The following UGGT2 variants were observed in gnomAD, a reference collection of about 807,000 sequenced individuals.
The protein encoded by UGGT2 is UDP-glucose glycoprotein glucosyltransferase 2, also known as UDP-glucose:glycoprotein glucosyltransferase 2.
A neutral mutation model predicts 192.1 loss-of-function variants in UGGT2; 180 were observed. That is an observed-to-expected ratio of 0.94 (90% CI 0.83 to 1.06). The LOEUF (loss-of-function observed/expected upper bound fraction) is 1.06. UGGT2 is among the 50% of genes least tolerant of loss of function. The probability of loss-of-function intolerance (pLI) is 0.00; values close to 1 mark genes in which losing one functional copy is unlikely to be tolerated. For missense variants in UGGT2, 1,849 were observed against 1,795.7 expected (o/e 1.03, Z -0.54); for synonymous variants, 580 against 591.0 (o/e 0.98, Z 0.27).
chr13:96,019,612 G>A (rs944690272), intron 4 of UGGT2, among the ~76,000 whole-genome samples: 1 of 152,186 alleles, frequency 6.6e-6, no homozygotes, highest in Non-Finnish European at 1.5e-5. Flanking sequence ...ATCTAAAGGA[G>A]TAAACCAGAC....
Position 95,946,837 on chromosome 13 carries a change from T to C in UGGT2, c.1677+200A>G, listed in dbSNP as rs1350952757. 2.0e-5 allele frequency among the ~76,000 whole-genome samples: 3 copies of C among 152,238 alleles called. No individual in the cohort carries two copies. The East Asian group carries it at 5.8e-4, about 29-fold the overall frequency. ...TTGGTAGAACCTCAGTTGCCTAATTTATAATGTGAGGATAATATGTACTTC... is the reference window on the plus strand; with the variant it reads ...TTGGTAGAACCTCAGTTGCCTAATTCATAATGTGAGGATAATATGTACTTC... On this transcript the variant is annotated intron_variant, in intron 15 of 38. Coordinates refer to ENST00000376747, the MANE Select transcript of UGGT2 (RefSeq NM_020121.4).
chr13:95,858,178 G>C (rs547171084), intron 33 of UGGT2, among the ~76,000 whole-genome samples: 4 of 151,658 alleles, frequency 2.6e-5, no homozygotes, highest in African/African-American at 7.3e-5. Context: ...GATGATTCTT[G>C]CTCAAAGAAA....
rs570110108 is a variant in UGGT2 at position 96,044,070 on chromosome 13, C to A, written c.158+9085G>T. On this transcript the variant is annotated intron_variant, in intron 1 of 38. Coordinates refer to ENST00000376747, the MANE Select transcript of UGGT2 (RefSeq NM_020121.4). ...ACAACCACAGAATATACATTCTATT[C>A]ATCATCAGTGCATGAAACTTTTTCC... 2.0e-5 allele frequency among the ~76,000 whole-genome samples: 3 copies of A among 152,224 alleles called. No homozygotes were observed. The South Asian group carries it at 6.2e-4, about 32-fold the overall frequency.
chr13:95,960,076 G>A (rs577171249), intron 12 of UGGT2, among the ~76,000 whole-genome samples: 5 of 152,270 alleles, frequency 3.3e-5, no homozygotes, highest in Non-Finnish European at 7.4e-5. Flanking sequence ...AGTGTACTAT[G>A]CAACTAACAC....
At chr13:95,982,766 A>G (rs1253384321) in intron 10 of UGGT2, among the ~76,000 whole-genome samples, 1 of 152,204 alleles carries the variant, frequency 6.6e-6, no homozygotes, top group East Asian at 1.9e-4. Flanking sequence ...GGTAAGAACA[A>G]TTAGGAACAT....
rs2051404731 is a variant in UGGT2 at position 95,989,911 on chromosome 13, C to CAA, written c.931+61_931+62insTT. ...ATCTATATCATGTGATATATAAAAGCTTATTTAACAAAACAGATCAGTTAC... is the reference window on the plus strand; with the variant it reads ...ATCTATATCATGTGATATATAAAAGCAATTATTTAACAAAACAGATCAGTTAC... On this transcript the variant is annotated intron_variant, in intron 8 of 38. Coordinates refer to ENST00000376747, the MANE Select transcript of UGGT2 (RefSeq NM_020121.4). 16 of 1,053,956 alleles carry CAA rather than the reference C, an allele frequency of 1.5e-5. No homozygotes were observed. In the South Asian group the frequency reaches 2.8e-4, roughly 18 times the overall value. 65.3% of individuals were successfully genotyped at this position (1,053,956 alleles called of 1,614,324 possible).
chr13:96,031,703 A>G (rs2052840779), intron 2 of UGGT2, among the ~76,000 whole-genome samples, 186 bp downstream of exon 2: 1 of 152,170 alleles, frequency 6.6e-6, no homozygotes, highest in African/African-American at 2.4e-5. Flanking sequence ...AAAGTATTAA[A>G]ACCTTGTATT....
chr13:96,045,826 G>A (rs2053294031), intron 1 of UGGT2, among the ~76,000 whole-genome samples: 3 of 152,144 alleles, frequency 2.0e-5, no homozygotes. Context: ...ACTGCTGAAA[G>A]AAATCATAGA....
intron 7 of UGGT2, among the ~76,000 whole-genome samples, chr13:95,991,650 AAAG>A: frequency 6.6e-6 from 1 of 152,302 alleles, no homozygotes; most frequent in East Asian, 1.9e-4. Flanking sequence ...TTTCTTTCTA[AAAG>A]AAGTTCACTA....
At chr13:95,885,180 C>CTTTTAGACTTAAG (rs1412691959) in intron 26 of UGGT2, among the ~76,000 whole-genome samples, 1 of 152,194 alleles carries the variant, frequency 6.6e-6, no homozygotes, top group African/African-American at 2.4e-5. Context: ...CTTAATAGCA[C>CTTTTAGACTTAAG]TTTTAGACTT....
At chr13:95,945,638 T>C (rs949489925) in intron 15 of UGGT2, among the ~76,000 whole-genome samples, 1 of 152,156 alleles carries the variant, frequency 6.6e-6, no homozygotes, top group African/African-American at 2.4e-5. Context: ...TCTTCAGGTT[T>C]CTAAGTTTTG....
At chr13:96,025,395 GAGA>G (rs1167834797) in intron 2 of UGGT2, among the ~76,000 whole-genome samples, 2 of 152,142 alleles carry the variant, frequency 1.3e-5, no homozygotes, top group African/African-American at 2.4e-5. Flanking sequence ...TATTAATGAA[GAGA>G]AGAAGAAAAG....
At chr13:95,900,008 TTTG>T (rs974090294) in intron 22 of UGGT2, among the ~76,000 whole-genome samples, 2 of 152,150 alleles carry the variant, frequency 1.3e-5, no homozygotes, top group Non-Finnish European at 2.9e-5. Context: ...AAACACTGCA[TTTG>T]TTGATTTCTT....
At chr13:95,895,472 T>C (rs933265978) in intron 22 of UGGT2, among the ~76,000 whole-genome samples, 168 bp from the exon 23 acceptor site, 12 of 151,916 alleles carry the variant, frequency 7.9e-5, no homozygotes, top group African/African-American at 2.4e-4. Flanking sequence ...GGAAACAAGA[T>C]ATACTTTCTC....
intron 15 of UGGT2, among the ~76,000 whole-genome samples, chr13:95,943,106 CA>C (rs1158749850): frequency 1.3e-5 from 2 of 152,074 alleles, no homozygotes; most frequent in Non-Finnish European, 2.9e-5. Flanking sequence ...ACCAATACCA[CA>C]AACTTTATAC....
chr13:96,045,066 C>A (rs928290028), intron 1 of UGGT2, among the ~76,000 whole-genome samples: 1 of 152,068 alleles, frequency 6.6e-6, no homozygotes, highest in African/African-American at 2.4e-5. Flanking sequence ...ACCAATATCC[C>A]TGATGAACAC....
chr13:95,850,310 T>G (rs1401386846), intron 36 of UGGT2, among the ~76,000 whole-genome samples: 3 of 152,212 alleles, frequency 2.0e-5, no homozygotes, highest in African/African-American at 7.2e-5. Flanking sequence ...CTTGACCAAT[T>G]GGTCAGAGGC....
At chr13:95,821,507 T>C (rs1446093637) in intron 38 of UGGT2, among the ~76,000 whole-genome samples, 1 of 152,170 alleles carries the variant, frequency 6.6e-6, no homozygotes, top group Non-Finnish European at 1.5e-5. Flanking sequence ...AGTTCACAAA[T>C]ATTTTCTCCC....
chr13:96,010,429 T>C (rs1488249063), intron 5 of UGGT2, among the ~76,000 whole-genome samples: 1 of 152,104 alleles, frequency 6.6e-6, no homozygotes, highest in Non-Finnish European at 1.5e-5. Context: ...AAATTAAAAA[T>C]AAACCCTTCC....
Sources: allele counts gnomAD v4.1 joint callset (sites outside exome capture counted in the v4.1 genomes callset), GRCh38; gene constraint gnomAD v4.1.1; transcripts MANE v1.5; gene names NCBI Gene and HGNC (gene_info 2026-07-23, HGNC 2026-07-21).